Variants in CCSER1 observed in about 807,000 individuals in gnomAD.
CCSER1 encodes coiled-coil serine rich protein 1.
CCSER1 carries 41 observed loss-of-function variants against 82.0 expected under a neutral mutation model. The observed-to-expected ratio is 0.50, with a 90% CI of 0.39 to 0.65. CCSER1 has a LOEUF of 0.65. CCSER1 is among the 30% of genes least tolerant of loss of function. The pLI is 0.00. For missense variants in CCSER1, 1,119 were observed against 1,064.2 expected (o/e 1.05, Z -0.72); for synonymous variants, 414 against 383.9 (o/e 1.08, Z -0.92).
intron 10 of CCSER1, among the ~76,000 whole-genome samples, chr4:91,103,363 C>T (rs1459297225): frequency 6.6e-6 from 1 of 152,140 alleles, no homozygotes; most frequent in Non-Finnish European, 1.5e-5. Context: ...TCCCAGTGAT[C>T]ACCACATCCT....
intron 1 of CCSER1, among the ~76,000 whole-genome samples, chr4:90,225,002 T>A (rs1742869223): frequency 6.6e-6 from 1 of 152,124 alleles, no homozygotes; most frequent in Non-Finnish European, 1.5e-5. Flanking sequence ...TGTAAGATCC[T>A]GCAAAATTTG....
At chr4:90,536,032 T>G (rs1001336184) in intron 5 of CCSER1, among the ~76,000 whole-genome samples, 3 of 69,414 alleles carry the variant, frequency 4.3e-5, no homozygotes, top group Middle Eastern at 6.3e-3. Context: ...TTTCTTTCTG[T>G]TTTTTTTTTT....
At chr4:91,064,007 T>A (rs952888801) in intron 9 of CCSER1, among the ~76,000 whole-genome samples, 4 of 152,204 alleles carry the variant, frequency 2.6e-5, no homozygotes, top group African/African-American at 7.2e-5. Context: ...TTAATCTTTT[T>A]AAAAATAGTT....
chr4:90,784,659 C>G (rs1400620727), intron 7 of CCSER1, among the ~76,000 whole-genome samples: 1 of 152,118 alleles, frequency 6.6e-6, no homozygotes, highest in Non-Finnish European at 1.5e-5. Context: ...CTACATTTGA[C>G]CCTTGAACAA....
At chr4:90,953,907 A>G (rs912504224) in intron 9 of CCSER1, among the ~76,000 whole-genome samples, 19 of 48,732 alleles carry the variant, frequency 3.9e-4, no homozygotes, top group Non-Finnish European at 9.7e-4. Flanking sequence ...TTTAGCAATA[A>G]GAGAAAAATT....
intron 7 of CCSER1, among the ~76,000 whole-genome samples, chr4:90,778,138 TGTAACCAAATAACTCA>T (rs1338164232): frequency 2.0e-5 from 3 of 152,198 alleles, no homozygotes; most frequent in African/African-American, 7.2e-5. Context: ...TATTTTTGCC[TGTAACCAAATAACTCA>T]GATTATATTA....
At chr4:91,086,082 T>G (rs1187340278) in intron 10 of CCSER1, 88 bp downstream of exon 10, 1 of 791,474 alleles carries the variant, frequency 1.3e-6, no homozygotes, top group Non-Finnish European at 2.1e-6. Context: ...TGACGATAAT[T>G]ACGTTGATAA....
Position 90,780,124 on chromosome 4 carries a change from T to C in CCSER1, c.2011-35638T>C, listed in dbSNP as rs556155011. Among the ~76,000 whole-genome samples the C allele has an allele frequency of 3.9e-5, 6 of 152,308 alleles. No individual in the cohort carries two copies. The South Asian group carries it at 1.0e-3, about 26-fold the overall frequency. ...ACTGTCAAAAGAACCCTCACTGATA[T>C]AGATGCCCTCAGGACTTGACCCTCC... On this transcript the variant is annotated intron_variant, in intron 7 of 10. Coordinates refer to ENST00000509176, the MANE Select transcript of CCSER1 (RefSeq NM_001145065.2).
chr4:91,277,854 A>G (rs1742605514), intron 10 of CCSER1, among the ~76,000 whole-genome samples: 1 of 151,878 alleles, frequency 6.6e-6, no homozygotes, highest in Non-Finnish European at 1.5e-5. Context: ...CTTTTGCTGT[A>G]TTCCATAGGT....
intron 10 of CCSER1, among the ~76,000 whole-genome samples, chr4:91,169,881 A>T (rs1274585117): frequency 6.6e-6 from 1 of 152,180 alleles, no homozygotes; most frequent in Non-Finnish European, 1.5e-5. Flanking sequence ...AATTGTATTG[A>T]TAAAGTCAAT....
intron 10 of CCSER1, among the ~76,000 whole-genome samples, chr4:91,282,893 T>C (rs890217165): frequency 3.3e-5 from 5 of 152,106 alleles, no homozygotes; most frequent in Non-Finnish European, 7.4e-5. Context: ...AAAAGAATTT[T>C]TCTGTCAGCA....
At chr4:90,170,513 C>A (rs1411006137) in intron 1 of CCSER1, among the ~76,000 whole-genome samples, 1 of 151,618 alleles carries the variant, frequency 6.6e-6, no homozygotes, top group Admixed American at 6.6e-5. Context: ...CCATCGCCCC[C>A]TAGCCACTCT....
At chr4:90,871,178 T>C (rs1249914361) in intron 8 of CCSER1, among the ~76,000 whole-genome samples, 1 of 151,766 alleles carries the variant, frequency 6.6e-6, no homozygotes, top group Non-Finnish European at 1.5e-5. Flanking sequence ...TTCAATGTCA[T>C]TTATTTCTGC....
chr4:91,388,774 A>G (rs1379394567), intron 10 of CCSER1, among the ~76,000 whole-genome samples: 1 of 151,998 alleles, frequency 6.6e-6, no homozygotes, highest in Non-Finnish European at 1.5e-5. Context: ...AAAGTTAGGT[A>G]GTGTCCGTCT....
At chr4:91,092,365 C>T (rs1453559476) in intron 10 of CCSER1, among the ~76,000 whole-genome samples, 1 of 152,132 alleles carries the variant, frequency 6.6e-6, no homozygotes, top group African/African-American at 2.4e-5. Flanking sequence ...GTTGGATAAG[C>T]CTCTACCCAC....
chr4:90,278,704 T>G (rs1314330306), intron 1 of CCSER1, among the ~76,000 whole-genome samples: 2 of 152,050 alleles, frequency 1.3e-5, no homozygotes, highest in African/African-American at 4.8e-5. Context: ...GGGCAAGGGC[T>G]GAAAAGTTTC....
intron 4 of CCSER1, among the ~76,000 whole-genome samples, chr4:90,430,991 T>C (rs1276922414): frequency 6.6e-6 from 1 of 151,980 alleles, no homozygotes; most frequent in Non-Finnish European, 1.5e-5. Context: ...TGAACACAAA[T>C]TTTTTAAAAG....
chr4:90,207,412 C>T (rs551673081), intron 1 of CCSER1, among the ~76,000 whole-genome samples: 1 of 152,074 alleles, frequency 6.6e-6, no homozygotes, highest in Non-Finnish European at 1.5e-5. Flanking sequence ...TTTCAAGGTT[C>T]TTAGCTTCCT....
At chr4:91,387,819 A>C (rs1302670495) in intron 10 of CCSER1, among the ~76,000 whole-genome samples, 1 of 152,094 alleles carries the variant, frequency 6.6e-6, no homozygotes, top group Non-Finnish European at 1.5e-5. Context: ...AAAACAGTTA[A>C]AAGTTCTTGA....
Sources: gnomAD v4.1 joint callset for allele counts (sites outside exome capture counted in the v4.1 genomes callset) on GRCh38, gnomAD v4.1.1 for gene constraint, MANE v1.5 for transcripts, NCBI Gene and HGNC (gene_info 2026-07-23, HGNC 2026-07-21) for gene names.